ADAM12: variants seen among roughly 807,000 people sequenced by gnomAD.
ADAM12 encodes disintegrin and metalloproteinase domain-containing protein 12.
ADAM12 carries 70 observed loss-of-function variants against 106.4 expected under a neutral mutation model. The observed-to-expected ratio is 0.66, with a 90% CI of 0.54 to 0.80. The LOEUF is 0.80. Ranked by LOEUF, ADAM12 falls within the 30% of genes least tolerant of loss-of-function variation. The pLI, the probability that ADAM12 is intolerant of heterozygous loss-of-function variation, is 0.00. For synonymous variants in ADAM12, 420 were observed against 433.5 expected, an observed-to-expected ratio of 0.97 and a Z score of 0.39; for missense variants, 1,010 against 1,171.9, an observed-to-expected ratio of 0.86 and a Z score of 2.02.
chr10:126,267,666 T>C (rs749520931), intron 3 of ADAM12, among the ~76,000 whole-genome samples: 1 of 152,110 alleles, frequency 6.6e-6, no homozygotes, highest in Non-Finnish European at 1.5e-5. Context: ...TAAATACAGA[T>C]GAAGCTTCAC....
At chr10:126,171,778 G>T (rs1363877650) in intron 3 of ADAM12, among the ~76,000 whole-genome samples, 2 of 152,178 alleles carry the variant, frequency 1.3e-5, no homozygotes, top group African/African-American at 4.8e-5. Context: ...TTTAGAAAAG[G>T]AAAACAGAAG....
At chr10:126,201,506 G>A (rs1957700594) in intron 3 of ADAM12, among the ~76,000 whole-genome samples, 1 of 152,146 alleles carries the variant, frequency 6.6e-6, no homozygotes, top group African/African-American at 2.4e-5. Context: ...GCCTTGGGAG[G>A]GAACGTGGCC....
Position 126,234,894 on chromosome 10 carries a change from C to T in ADAM12, c.260+44021G>A, listed in dbSNP as rs934853040. The stretch of plus-strand genomic sequence containing the variant: ...TCCCCATCTCAGGGTCAAAGGGGCA[C>T]GTGGAGAGACCTACAAATCGTAAGG... On this transcript the variant is annotated intron_variant, in intron 3 of 22. Coordinates refer to ENST00000448723, the MANE Select transcript of ADAM12 (RefSeq NM_001288973.2). Among the ~76,000 whole-genome samples the T allele has an allele frequency of 4.6e-5, 7 of 152,172 alleles. No individual in the cohort carries two copies. The East Asian group carries it at 5.8e-4, about 13-fold the overall frequency.
intron 14 of ADAM12, among the ~76,000 whole-genome samples, chr10:126,056,176 A>C (rs1302786470): frequency 6.6e-6 from 1 of 152,178 alleles, no homozygotes; most frequent in Non-Finnish European, 1.5e-5. Flanking sequence ...ACCTTCTAAG[A>C]GTTTCATTCA....
chr10:126,113,715 T>A (rs1255723412), intron 6 of ADAM12, among the ~76,000 whole-genome samples: 5 of 60,616 alleles, frequency 8.2e-5, no homozygotes, highest in Non-Finnish European at 1.1e-4. Context: ...TATATATATA[T>A]ATATATATAT....
At chr10:126,234,470 G>A (rs574932606) in intron 3 of ADAM12, among the ~76,000 whole-genome samples, 1 of 152,244 alleles carries the variant, frequency 6.6e-6, no homozygotes, top group East Asian at 1.9e-4. Flanking sequence ...TCCAAACACA[G>A]GCTTAGAAAA....
intron 2 of ADAM12, among the ~76,000 whole-genome samples, chr10:126,316,019 G>A (rs540369620): frequency 1.3e-5 from 2 of 152,284 alleles, no homozygotes; most frequent in East Asian, 1.9e-4. Context: ...GAATAGGCAC[G>A]ACCAGAGATT....
At chr10:126,020,916 C>A (rs1355501729) in intron 21 of ADAM12, among the ~76,000 whole-genome samples, 1 of 146,598 alleles carries the variant, frequency 6.8e-6, no homozygotes, top group Non-Finnish European at 1.5e-5. Context: ...TCGCTTGAAC[C>A]CGGGAGGCAG....
intron 3 of ADAM12, among the ~76,000 whole-genome samples, chr10:126,249,840 C>A (rs1442771106): frequency 1.3e-5 from 2 of 152,222 alleles, no homozygotes; most frequent in African/African-American, 4.8e-5. Context: ...TTGTTACATG[C>A]ATAAGACATA....
chr10:126,030,950 C>T (rs1953961304), intron 21 of ADAM12, among the ~76,000 whole-genome samples: 1 of 152,148 alleles, frequency 6.6e-6, no homozygotes, highest in African/African-American at 2.4e-5. Context: ...CAGCATATTT[C>T]CTACACATCT....
At chr10:126,207,032 G>A (rs1464107221) in intron 3 of ADAM12, among the ~76,000 whole-genome samples, 1 of 152,080 alleles carries the variant, frequency 6.6e-6, no homozygotes, top group Non-Finnish European at 1.5e-5. Flanking sequence ...TTCACCGTCC[G>A]CCATGATTGT....
chr10:126,235,071 G>C (rs1469743177), intron 3 of ADAM12, among the ~76,000 whole-genome samples: 2 of 152,298 alleles, frequency 1.3e-5, no homozygotes, highest in East Asian at 3.9e-4. Flanking sequence ...GCAGAGGGGT[G>C]GAAAGGGTCG....
intron 3 of ADAM12, among the ~76,000 whole-genome samples, chr10:126,170,444 CG>C (rs113272663): frequency 0.1 from 14,917 of 148,720 alleles, 2,141 homozygotes; most frequent in African/African-American, 0.32. Context: ...AAAAAGAGGG[CG>C]GGGGGGGAGT....
chr10:126,038,813 C>T (rs1305264724), intron 19 of ADAM12, among the ~76,000 whole-genome samples: 3 of 152,042 alleles, frequency 2.0e-5, no homozygotes, highest in African/African-American at 7.2e-5. Context: ...GTAAAGGAGG[C>T]AGCTGATCTG....
chr10:126,114,316 T>C (rs545500978), intron 6 of ADAM12, among the ~76,000 whole-genome samples: 3 of 152,152 alleles, frequency 2.0e-5, no homozygotes, highest in Non-Finnish European at 4.4e-5. Context: ...TAAAAACGAA[T>C]GGCACAAGTG....
At chr10:126,094,215 T>C (rs1182123031) in intron 10 of ADAM12, 82 bp from the exon 11 acceptor site, 1 of 1,340,704 alleles carries the variant, frequency 7.5e-7, no homozygotes, top group East Asian at 2.3e-5. Flanking sequence ...CACAGAAATA[T>C]ACCTTTCATT....
At chr10:126,286,723 C>A (rs909844661) in intron 2 of ADAM12, among the ~76,000 whole-genome samples, 6 of 152,142 alleles carry the variant, frequency 3.9e-5, no homozygotes, top group African/African-American at 1.4e-4. Context: ...TAAGGCACGG[C>A]AGCATTATAA....
chr10:126,213,268 C>T (rs1162850758), intron 3 of ADAM12, among the ~76,000 whole-genome samples: 12 of 152,120 alleles, frequency 7.9e-5, no homozygotes, highest in Non-Finnish European at 1.6e-4. Context: ...TATAGGTTTT[C>T]GTTTTCACTT....
chr10:126,121,603 G>T (rs947259079), intron 5 of ADAM12, among the ~76,000 whole-genome samples: 4 of 148,988 alleles, frequency 2.7e-5, no homozygotes, highest in South Asian at 4.2e-4. Flanking sequence ...CAAGGATCTA[G>T]GTATACATCA....
Sources: gnomAD v4.1 joint callset for allele counts (sites outside exome capture counted in the v4.1 genomes callset) on GRCh38, gnomAD v4.1.1 for gene constraint, MANE v1.5 for transcripts, NCBI Gene and HGNC (gene_info 2026-07-23, HGNC 2026-07-21) for gene names.